The following ANKRD46 variants were observed in gnomAD, a reference collection of about 807,000 sequenced individuals.
ANKRD46 encodes the protein ankyrin repeat domain-containing protein 46.
A neutral mutation model predicts 19.8 loss-of-function variants in ANKRD46; 13 were observed. The observed-to-expected ratio is 0.66, with a 90% confidence interval of 0.43 to 1.04. ANKRD46 has a LOEUF of 1.04. ANKRD46 is among the 50% of genes least tolerant of loss of function. ANKRD46 has a pLI of 0.00. For missense variants in ANKRD46, 185 were observed against 274.8 expected, an observed-to-expected ratio of 0.67 and a Z score of 2.31; for synonymous variants, 91 against 106.9, an observed-to-expected ratio of 0.85 and a Z score of 0.92.
rs944140874 is a variant in ANKRD46, at chr8:100,550,010, C to A, written c.-131+9701G>T. Among the ~76,000 whole-genome samples the A allele has an allele frequency of 3.3e-5, 5 of 152,158 alleles. No individual in the cohort carries two copies. The highest frequency in any genetic ancestry group is 7.3e-5 in the Non-Finnish European group (5 of 68,040). Reference sequence around the variant, plus strand: ...GTATCTTCTCATGGCTTCATAGTTTCTCTTTAGGACTGCATAATATGTCAT... The same window carrying A: ...GTATCTTCTCATGGCTTCATAGTTTATCTTTAGGACTGCATAATATGTCAT... On this transcript the variant is annotated intron_variant, in intron 1 of 4. Coordinates refer to ENST00000335659, the MANE Select transcript of ANKRD46 (RefSeq NM_001270377.2). The surrounding 1 kb of genome is among the most constrained non-coding windows in gnomAD (Gnocchi z 4.4).
intron 3 of ANKRD46, among the ~76,000 whole-genome samples, chr8:100,528,921 A>G (rs1454672801): frequency 1.3e-5 from 2 of 152,214 alleles, no homozygotes; most frequent in East Asian, 3.8e-4. Flanking sequence ...TCACTAAAAC[A>G]AACAAAAAGC....
chr8:100,548,979 T>C (rs1042784560), intron 1 of ANKRD46, among the ~76,000 whole-genome samples: 3 of 152,054 alleles, frequency 2.0e-5, no homozygotes, highest in Non-Finnish European at 4.4e-5. Flanking sequence ...ACACCTATTA[T>C]GTATCCACAA....
rs762460709 is a variant in ANKRD46, at chr8:100,544,778, T to C, written c.-130-11467A>G. On this transcript the variant is annotated intron_variant, in intron 1 of 4. Transcript: ENST00000335659. The surrounding 1 kb of genome is among the most constrained non-coding windows in gnomAD (Gnocchi z 4.4). ...AAAACTATAATGAAATATACAAATA[T>C]AAGATGCTATATATTTTTTCTTAGT... Among the ~76,000 whole-genome samples, 1 of 152,178 alleles carries C rather than the reference T, an allele frequency of 6.6e-6. No homozygotes were observed. The highest frequency in any genetic ancestry group is 1.5e-5 in the Non-Finnish European group (1 of 68,032).
chr8:100,551,114 G>A (rs1812379526), intron 1 of ANKRD46: 1 of 485,104 alleles, frequency 2.1e-6, no homozygotes, highest in Admixed American at 2.4e-5. Flanking sequence ...ATGTTCTGGA[G>A]AGCCCCACAG....
In ANKRD46 at chr8:100,550,476, G is replaced by A. The variant is rs1175396774; in HGVS notation, c.-131+9235C>T. 1 of 153,446 alleles carries A rather than the reference G, an allele frequency of 6.5e-6. No homozygotes were observed. The highest frequency in any genetic ancestry group is 1.9e-4 in the East Asian group (1 of 5,190). The allele number at this position is 153,446 out of a possible 1,614,324, so 9.5% of individuals were successfully genotyped here. On this transcript the variant is annotated intron_variant, in intron 1 of 4. Coordinates refer to ENST00000335659, the MANE Select transcript of ANKRD46 (RefSeq NM_001270377.2). The surrounding 1 kb of genome is among the most constrained non-coding windows in gnomAD (Gnocchi z 4.4). Reference sequence around the variant, plus strand: ...ATCTGTATATCCTCTGTGATGAGGTGTCCATTAAGATCTTTGGCTCATTTT... The same window carrying A: ...ATCTGTATATCCTCTGTGATGAGGTATCCATTAAGATCTTTGGCTCATTTT...
At chr8:100,551,785 C>T in intron 1 of ANKRD46, 1 of 440,152 alleles carries the variant, frequency 2.3e-6, no homozygotes. Context: ...CCCATACCCA[C>T]CTCTCTTTTT....
Position 100,528,005 on chromosome 8 carries a change from T to TCAAAA in ANKRD46, c.312-3_312-2insTTTTG. The TCAAAA allele has an allele frequency of 8.6e-7, 1 of 1,164,228 alleles. No homozygotes were observed. Among genetic ancestry groups the TCAAAA allele is most frequent in the Non-Finnish European group, 1.1e-6 (1 of 946,474 alleles). The allele number at this position is 1,164,228 out of a possible 1,614,324, so 72.1% of individuals were successfully genotyped here. ...AAAGGGGTAGCACCTTGATGATTGCTAAAAAAAAAAAAAAAAAAAAAAGTT... is the reference window on the plus strand; with the variant it reads ...AAAGGGGTAGCACCTTGATGATTGCTCAAAAAAAAAAAAAAAAAAAAAAAAAAGTT... On this transcript the variant is annotated splice_region_variant and splice_polypyrimidine_tract_variant and intron_variant, in intron 3 of 4. Transcript: ENST00000335659.
At chr8:100,538,289 T>C (rs1022918349) in intron 1 of ANKRD46, among the ~76,000 whole-genome samples, 5 of 152,110 alleles carry the variant, frequency 3.3e-5, no homozygotes, top group Non-Finnish European at 5.9e-5. Flanking sequence ...ATCAAATTAA[T>C]GATTCAACCA....
chr8:100,557,083 A>G lies in ANKRD46; in HGVS notation c.-131+2628T>C, dbSNP rs1341467075. Among the ~76,000 whole-genome samples the G allele has an allele frequency of 6.6e-6, 1 of 152,196 alleles. No homozygotes were observed. Among genetic ancestry groups the G allele is most frequent in the Non-Finnish European group, 1.5e-5 (1 of 68,040 alleles). On this transcript the variant is annotated intron_variant, in intron 1 of 4. Coordinates refer to ENST00000335659, the MANE Select transcript of ANKRD46 (RefSeq NM_001270377.2). This position sits in a 1 kb window ranked among gnomAD's most constrained non-coding sequence, Gnocchi z 5.9. ...AAAAAAAAATACAATCAATCTCATA[A>G]TGTTTTAAGTAAGTTTACAAATTTG...
chr8:100,526,851 T>G (rs1171770376), intron 4 of ANKRD46, among the ~76,000 whole-genome samples: 1 of 152,218 alleles, frequency 6.6e-6, no homozygotes, highest in African/African-American at 2.4e-5. Flanking sequence ...AAGTGGATTA[T>G]GTGATTCTAA....
chr8:100,548,392 G>A (rs758234968), intron 1 of ANKRD46, among the ~76,000 whole-genome samples: 1 of 152,124 alleles, frequency 6.6e-6, no homozygotes, highest in South Asian at 2.1e-4. Context: ...TCCCTGGATG[G>A]AGAATCACTC....
At chr8:100,526,837 G>C (rs1270192751) in intron 4 of ANKRD46, among the ~76,000 whole-genome samples, 1 of 152,080 alleles carries the variant, frequency 6.6e-6, no homozygotes, top group African/African-American at 2.4e-5. Flanking sequence ...GATCCCAATG[G>C]TCTAAGTGGA....
At chr8:100,517,821 A>C (rs1811658472), downstream of ANKRD46, among the ~76,000 whole-genome samples, 1 of 152,208 alleles carries the variant, frequency 6.6e-6, no homozygotes, top group South Asian at 2.1e-4. Context: ...TTTTCCCCAA[A>C]TGTTCTATTA....
intron 5 of ANKRD46, among the ~76,000 whole-genome samples, chr8:100,514,103 A>G (rs138680939): frequency 6.6e-6 from 1 of 152,344 alleles, no homozygotes; most frequent in East Asian, 1.9e-4. Flanking sequence ...CTTCAATGCC[A>G]CATTTCCTAT....
Position 100,522,859 on chromosome 8 carries a change from C to T in ANKRD46, c.471-88G>A, listed in dbSNP as rs931064824. On this transcript the variant is annotated intron_variant, in intron 4 of 4. Coordinates refer to ENST00000335659, the MANE Select transcript of ANKRD46 (RefSeq NM_001270377.2). ...CCACAGGGCTACTATTTAGAAAAGA[C>T]CAAATACACACACACACACACACAC... 1.5e-5 allele frequency: 11 copies of T among 714,856 alleles called. No individual in the cohort carries two copies. The Middle Eastern group carries it at 1.2e-3, about 75-fold the overall frequency. The allele number at this position is 714,856 out of a possible 1,614,324, so 44.3% of individuals were successfully genotyped here.
intron 1 of ANKRD46, among the ~76,000 whole-genome samples, chr8:100,541,972 T>C (rs1176545584): frequency 1.3e-5 from 2 of 152,132 alleles, no homozygotes; most frequent in Non-Finnish European, 2.9e-5. Flanking sequence ...AGTAGGCTCT[T>C]GTATCTAGGT....
rs1812134872 is a variant in ANKRD46, at chr8:100,539,607, C to T, written c.-130-6296G>A. Among the ~76,000 whole-genome samples the T allele has an allele frequency of 2.0e-5, 3 of 152,144 alleles. No homozygotes were observed. The South Asian group carries it at 6.2e-4, about 32-fold the overall frequency. On this transcript the variant is annotated intron_variant, in intron 1 of 4. Coordinates refer to ENST00000335659, the MANE Select transcript of ANKRD46 (RefSeq NM_001270377.2). The stretch of plus-strand genomic sequence containing the variant: ...AGAAAACACACATTTTGTGGTATTT[C>T]CAACATTTCAGTCTAATGTGGCTGT...
rs1811713630 is a variant in ANKRD46 at position 100,521,011 on chromosome 8, G to GT, written c.*1543dup. 1 of 985,112 alleles carries GT rather than the reference G, an allele frequency of 1.0e-6. No homozygotes were observed. Among genetic ancestry groups the GT allele is most frequent in the Non-Finnish European group, 1.2e-6 (1 of 829,848 alleles). The allele number at this position is 985,112 out of a possible 1,614,324, so 61.0% of individuals were successfully genotyped here. A position where few individuals can be genotyped will look rare whatever the true frequency, so the allele number is the denominator to read the frequency against. On this transcript the variant is annotated 3_prime_UTR_variant, in exon 5 of 5. Coordinates refer to ENST00000335659, the MANE Select transcript of ANKRD46 (RefSeq NM_001270377.2). ...AGTGTTCTCCATTCCAAAGCCAGCTGTTTTTTGCTGGATTTACACCAACTA... is the reference window on the plus strand; with the variant it reads ...AGTGTTCTCCATTCCAAAGCCAGCTGTTTTTTTGCTGGATTTACACCAACTA...
intron 4 of ANKRD46, among the ~76,000 whole-genome samples, chr8:100,523,488 A>G (rs761905206): frequency 2.6e-5 from 4 of 152,064 alleles, no homozygotes; most frequent in Non-Finnish European, 5.9e-5. Context: ...AAAGTCACTT[A>G]TACAGTGTGT....
Sources: allele counts gnomAD v4.1 joint callset (sites outside exome capture counted in the v4.1 genomes callset), GRCh38; gene constraint gnomAD v4.1.1; non-coding constraint Gnocchi (gnomAD v3.1); transcripts MANE v1.5; gene names NCBI Gene and HGNC (gene_info 2026-07-23, HGNC 2026-07-21).